Variants in CDH6 observed in about 807,000 individuals in gnomAD.
The protein encoded by CDH6 is cadherin 6.
Under a neutral mutation model 78.0 loss-of-function variants are expected in CDH6, and 31 were observed. That is an observed-to-expected ratio of 0.40 (90% confidence interval 0.30 to 0.54). The LOEUF (loss-of-function observed/expected upper bound fraction) is 0.54. Among genes scored for constraint, CDH6 ranks in the 20% least tolerant of loss-of-function variants. The pLI, the probability that CDH6 is intolerant of heterozygous loss-of-function variation, is 0.56. For synonymous variants in CDH6, 376 were observed against 368.8 expected (o/e 1.02, Z -0.23); for missense variants, 724 against 975.9 (o/e 0.74, Z 3.44).
intron 1 of CDH6, among the ~76,000 whole-genome samples, chr5:31,204,686 T>G (rs1283673385): frequency 1.3e-5 from 2 of 152,190 alleles, no homozygotes; most frequent in Non-Finnish European, 2.9e-5. Flanking sequence ...TATGATAATC[T>G]TTTTATCACG....
chr5:31,240,250 A>C (rs1195278162), intron 1 of CDH6, among the ~76,000 whole-genome samples: 1 of 152,204 alleles, frequency 6.6e-6, no homozygotes, highest in Admixed American at 6.5e-5. Flanking sequence ...ATTTGACCAT[A>C]GTGATTTTTT....
chr5:31,232,960 T>C (rs563745228), intron 1 of CDH6, among the ~76,000 whole-genome samples: 1 of 152,284 alleles, frequency 6.6e-6, no homozygotes, highest in Non-Finnish European at 1.5e-5. Context: ...AGAAGTTAAA[T>C]AACCTTTCAA....
At chr5:31,302,949 A>AAGAAAGAAAGAAAGAAAG (rs1737861146) in intron 6 of CDH6, among the ~76,000 whole-genome samples, 2 of 131,568 alleles carry the variant, frequency 1.5e-5, no homozygotes, top group Non-Finnish European at 3.4e-5. Context: ...GAAAGAAAGA[A>AAGAAAGAAAGAAAGAAAG]AGAAAGAAGG....
Position 31,324,525 on chromosome 5 carries a change from T to C in CDH6, c.*1217T>C, listed in dbSNP as rs371538491. On this transcript the variant is annotated 3_prime_UTR_variant, in exon 12 of 12. Coordinates refer to ENST00000265071, the MANE Select transcript of CDH6 (RefSeq NM_004932.4). The stretch of plus-strand genomic sequence containing the variant: ...TGGAAGACCCTTGGAAGAGGAAAAT[T>C]GGATTCCCTTAAACAAAAGTGTTTA... 1.0e-3 allele frequency: 220 copies of C among 210,114 alleles called. No homozygotes were observed. The highest frequency in any genetic ancestry group is 4.8e-3 in the African/African-American group (211 of 44,146). The allele number at this position is 210,114 out of a possible 1,614,324, so 13.0% of individuals were successfully genotyped here. A position where few individuals can be genotyped will look rare whatever the true frequency, so the allele number is the denominator to read the frequency against.
At chr5:31,310,821 G>T (rs1738128053) in intron 7 of CDH6, among the ~76,000 whole-genome samples, 1 of 152,230 alleles carries the variant, frequency 6.6e-6, no homozygotes, top group South Asian at 2.1e-4. Context: ...TCGGGCTGGA[G>T]TGGCTGGAAC....
chr5:31,313,568 G>A (rs552471855), intron 8 of CDH6, 114 bp downstream of exon 8: 1 of 1,002,618 alleles, frequency 1.0e-6, no homozygotes, highest in African/African-American at 1.6e-5. Context: ...GATATATATT[G>A]AGGGAAAAAG....
chr5:31,294,098 C>T lies in CDH6; in HGVS notation c.365C>T (p.Pro122Leu), dbSNP rs1267537646. The change falls in exon 3 of 12, where the codon CCC becomes CTC. Residue 122 changes from proline (P) to leucine (L), a missense_variant. This residue lies in a region of CDH6 where 446 missense variants were observed against 684.5 expected (regional missense o/e 0.65). Transcript: ENST00000265071. The surrounding 1 kb of genome is among the most constrained non-coding windows in gnomAD (Gnocchi z 4.1). ...ATKRLDREEK[P>L]VYILRAQAIN... The stretch of plus-strand genomic sequence containing the variant: ...AAGAGGCTGGACAGGGAAGAAAAAC[C>T]CGTTTACATCCTTCGAGCTCAAGCT... 1.9e-6 allele frequency: 3 copies of T among 1,613,794 alleles called. No homozygotes were observed. Among genetic ancestry groups the T allele is most frequent in the Non-Finnish European group, 2.5e-6 (3 of 1,179,896 alleles).
intron 1 of CDH6, among the ~76,000 whole-genome samples, chr5:31,221,436 C>A (rs946843402): frequency 6.6e-6 from 1 of 152,150 alleles, no homozygotes; most frequent in Non-Finnish European, 1.5e-5. Context: ...GTAATGGAAT[C>A]TTGGAATTAA....
In CDH6 at chr5:31,197,922, T is replaced by C. The variant is rs934748919; in HGVS notation, c.-129+4036T>C. Among the ~76,000 whole-genome samples the C allele has an allele frequency of 4.6e-5, 7 of 152,292 alleles. No individual in the cohort carries two copies. In the East Asian group the frequency reaches 1.3e-3, roughly 29 times the overall value. ...TTCTATTCGTACAGAAGCCTCTCTT[T>C]TTCAAAACAATCTTATGAGGAACTT... On this transcript the variant is annotated intron_variant, in intron 1 of 11. Transcript: ENST00000265071.
chr5:31,257,686 G>A (rs1310782345), intron 1 of CDH6, among the ~76,000 whole-genome samples: 1 of 152,078 alleles, frequency 6.6e-6, no homozygotes, highest in Admixed American at 6.6e-5. Context: ...TCTTCTGCCT[G>A]CCTTTTGTAG....
chr5:31,284,781 G>C (rs1264273998), intron 2 of CDH6, among the ~76,000 whole-genome samples: 1 of 152,220 alleles, frequency 6.6e-6, no homozygotes, highest in Non-Finnish European at 1.5e-5. Context: ...ATACATAAGA[G>C]ATATTCTCTA....
At chr5:31,229,049 A>G (rs1390193168) in intron 1 of CDH6, among the ~76,000 whole-genome samples, 1 of 152,244 alleles carries the variant, frequency 6.6e-6, no homozygotes, top group African/African-American at 2.4e-5. Context: ...TGACACTGAC[A>G]GGTCTAATTA....
intron 2 of CDH6, among the ~76,000 whole-genome samples, chr5:31,269,250 A>G (rs1321497162): frequency 6.9e-6 from 1 of 144,346 alleles, no homozygotes; most frequent in Non-Finnish European, 1.5e-5. Flanking sequence ...TTACATCTAT[A>G]ATGCCACATA....
intron 2 of CDH6, among the ~76,000 whole-genome samples, chr5:31,287,889 A>G (rs10472191): frequency 0.16 from 24,470 of 152,232 alleles, 2,362 homozygotes; most frequent in African/African-American, 0.27. Context: ...CAGAACTACA[A>G]TAACAACAAC....
At chr5:31,219,375 G>A (rs563676746) in intron 1 of CDH6, among the ~76,000 whole-genome samples, 1 of 152,166 alleles carries the variant, frequency 6.6e-6, no homozygotes, top group Non-Finnish European at 1.5e-5. Context: ...ATCACATCCT[G>A]TAGGTTCTGT....
At chr5:31,210,368 G>A (rs1740665745) in intron 1 of CDH6, among the ~76,000 whole-genome samples, 1 of 152,092 alleles carries the variant, frequency 6.6e-6, no homozygotes, top group Admixed American at 6.6e-5. Flanking sequence ...GCCGGGCATG[G>A]TCGTGCGTGC....
chr5:31,243,132 CCTT>C (rs1417197983), intron 1 of CDH6, among the ~76,000 whole-genome samples: 5 of 152,140 alleles, frequency 3.3e-5, no homozygotes, highest in Admixed American at 3.3e-4. Context: ...CTTAGACTCT[CCTT>C]CTTCTCAAAA....
At chr5:31,258,237 C>A (rs1374168654) in intron 1 of CDH6, among the ~76,000 whole-genome samples, 1 of 152,152 alleles carries the variant, frequency 6.6e-6, no homozygotes, top group Non-Finnish European at 1.5e-5. Context: ...GAAACCAACC[C>A]AAATGCCCAT....
intron 11 of CDH6, chr5:31,318,182 A>G (rs1738381374): frequency 1.7e-6 from 1 of 595,640 alleles, no homozygotes; most frequent in Admixed American, 2.9e-5. Context: ...TCAGACTGGG[A>G]ATGAATCTCG....
Sources: gnomAD v4.1 joint callset for allele counts (sites outside exome capture counted in the v4.1 genomes callset) on GRCh38, gnomAD v4.1.1 for gene constraint, gnomAD v4.1.1 regional missense constraint, Gnocchi (gnomAD v3.1) non-coding constraint, MANE v1.5 for transcripts, NCBI Gene and HGNC (gene_info 2026-07-23, HGNC 2026-07-21) for gene names.